The following POMT1 variants were observed in gnomAD, a reference collection of about 807,000 sequenced individuals.
The protein encoded by POMT1 is protein O-mannosyl-transferase 1.
In POMT1, 85 loss-of-function variants were observed where a neutral mutation model predicts 101.6. The ratio of observed to expected loss-of-function variants is 0.84; its 90% CI spans 0.70 to 1.00. The LOEUF is 1.00. Ranked by LOEUF, POMT1 falls within the 50% of genes least tolerant of loss-of-function variation. The pLI is 0.00. For synonymous variants in POMT1, 371 were observed against 383.0 expected, an observed-to-expected ratio of 0.97 and a Z score of 0.37; for missense variants, 857 against 930.4, an observed-to-expected ratio of 0.92 and a Z score of 1.03.
At chr9:131,510,486 C>T in intron 9 of POMT1, 71 bp downstream of exon 9, 2 of 1,519,528 alleles carry the variant, frequency 1.3e-6, no homozygotes, top group Non-Finnish European at 1.8e-6. Context: ...TTCTTACAAA[C>T]ACATCAAGTG....
Position 131,523,589 on chromosome 9 carries a change from A to G in POMT1, c.*483A>G. 4.6e-6 allele frequency: 1 copy of G among 219,138 alleles called. No homozygotes were observed. Among genetic ancestry groups the G allele is most frequent in the Non-Finnish European group, 9.2e-6 (1 of 108,154 alleles). 13.6% of individuals were successfully genotyped at this position (219,138 alleles called of 1,614,324 possible). On this transcript the variant is annotated 3_prime_UTR_variant, in exon 20 of 20. Transcript: ENST00000402686. Reference sequence around the variant, plus strand: ...CAGCTCAGTGTTGGAGGGCCACCTGAACCACGAGCCAGGGCTGGGGCTTGC... The same window carrying G: ...CAGCTCAGTGTTGGAGGGCCACCTGGACCACGAGCCAGGGCTGGGGCTTGC...
Position 131,523,083 on chromosome 9 carries a change from G to T in POMT1, c.2155G>T (p.Asp719Tyr), listed in dbSNP as rs200224827. The change falls in exon 20 of 20, where the codon GAC becomes TAC. Residue 719 changes from aspartate (D) to tyrosine (Y), a missense_variant. Coordinates refer to ENST00000402686, the MANE Select transcript of POMT1 (RefSeq NM_001077365.2). ...GGCCCTTCGCTGGAAAGACAGCTGG[G>T]ACATCTTGATCCGAAAACACTAGAA... ...LKALRWKDSW[D>Y]ILIRKH 5.6e-6 allele frequency: 9 copies of T among 1,611,380 alleles called. No individual in the cohort carries two copies. Among genetic ancestry groups the T allele is most frequent in the Admixed American group, 3.3e-5 (2 of 59,950 alleles).
At position 131,522,164 on chromosome 9, in the gene POMT1, T is replaced by G; in HGVS notation, c.1943T>G (p.Leu648Arg). The G allele has an allele frequency of 6.2e-7, 1 of 1,614,174 alleles. No individual in the cohort carries two copies. Residue 648 changes from leucine to arginine, a missense_variant, in exon 19 of 20, where the codon CTC becomes CGC. By Grantham distance (102) the Leu-to-Arg change is moderately radical. Coordinates refer to ENST00000402686, the MANE Select transcript of POMT1 (RefSeq NM_001077365.2). The surrounding 1 kb of genome is among the most constrained non-coding windows in gnomAD (Gnocchi z 5.5). ...TTCCTCTACCACTACCTGCCCGCACTCACCTTCCAAATCCTTCTGCTCCCT... is the reference window on the plus strand; with the variant it reads ...TTCCTCTACCACTACCTGCCCGCACGCACCTTCCAAATCCTTCTGCTCCCT... ...TLFLYHYLPA[L>R]TFQILLLPVV...
intron 12 of POMT1, among the ~76,000 whole-genome samples, chr9:131,513,754 C>T (rs1219538082): frequency 6.6e-6 from 1 of 152,226 alleles, no homozygotes; most frequent in African/African-American, 2.4e-5. Context: ...AGGCTTCTTC[C>T]TTCTCAGTCC....
chr9:131,515,581 G>T, intron 13 of POMT1, 59 bp downstream of exon 13: 1 of 1,512,214 alleles, frequency 6.6e-7, no homozygotes, highest in Non-Finnish European at 9.2e-7. Context: ...TCCCTCACAC[G>T]GAGCACTTCC....
At chr9:131,514,713 T>C in intron 12 of POMT1, among the ~76,000 whole-genome samples, 1 of 152,200 alleles carries the variant, frequency 6.6e-6, no homozygotes, top group East Asian at 1.9e-4. Flanking sequence ...CCCAGCACTT[T>C]GGGAGGCCAA....
In POMT1 at chr9:131,512,050, C is replaced by T. The variant is rs372594359; in HGVS notation, c.996C>T (p.Asn332=). Residue 332 remains asparagine (N), a synonymous_variant, in exon 11 of 20, where the codon AAC becomes AAT. Coordinates refer to ENST00000402686, the MANE Select transcript of POMT1 (RefSeq NM_001077365.2). ...HQDTYPMIYE[N]GRGSSHQQQV... ...TGTTGACTTCACACAGATATGAGAACGGCCGAGGCAGCTCCCACCAGCAAC... is the reference window on the plus strand; with the variant it reads ...TGTTGACTTCACACAGATATGAGAATGGCCGAGGCAGCTCCCACCAGCAAC... The T allele has an allele frequency of 3.3e-5, 54 of 1,614,046 alleles. No individual in the cohort carries two copies. The highest frequency in any genetic ancestry group is 1.9e-4 in the South Asian group (17 of 91,074).
At chr9:131,518,215 G>T in intron 13 of POMT1, 1 of 633,098 alleles carries the variant, frequency 1.6e-6, no homozygotes, top group Non-Finnish European at 3.0e-6. Flanking sequence ...CTCTTGTACG[G>T]CCTTGGCGAG....
In POMT1 at chr9:131,520,055, C is replaced by T. The variant is rs1949605474; in HGVS notation, c.1585-25C>T. The T allele has an allele frequency of 1.9e-6, 3 of 1,594,344 alleles. No individual in the cohort carries two copies. The East Asian group carries it at 6.7e-5, about 36-fold the overall frequency. On this transcript the variant is annotated intron_variant, in intron 16 of 19. Transcript: ENST00000402686. ...GCGGGAGGCATCCCCCATCCTCAATCTCAGAGGCCTCTGCTTTGTTCCAGT... is the reference window on the plus strand; with the variant it reads ...GCGGGAGGCATCCCCCATCCTCAATTTCAGAGGCCTCTGCTTTGTTCCAGT...
At chr9:131,520,571 G>A (rs1004302889) in intron 17 of POMT1, among the ~76,000 whole-genome samples, 19 of 152,310 alleles carry the variant, frequency 1.2e-4, no homozygotes, top group Admixed American at 9.8e-4. Context: ...TTGGTAGGCC[G>A]GGCGCACAGT....
At chr9:131,515,934 GCACTTCCTCACACGGAA>G (rs1948374731) in intron 13 of POMT1, among the ~76,000 whole-genome samples, 3 of 97,694 alleles carry the variant, frequency 3.1e-5, no homozygotes, top group East Asian at 3.8e-4. Context: ...CTCACAGGGA[GCACTTCCTCACACGGAA>G]CACTTCCTCT....
intron 17 of POMT1, 151 bp from the exon 18 acceptor site, chr9:131,521,195 A>C (rs1331947394): frequency 2.0e-6 from 2 of 1,022,676 alleles, no homozygotes; most frequent in East Asian, 2.5e-5. Flanking sequence ...TGTCCACAGT[A>C]GTAGTAAGGC....
At chr9:131,507,342 G>A in intron 4 of POMT1, 26 bp from the exon 5 acceptor site, 1 of 1,613,918 alleles carries the variant, frequency 6.2e-7, no homozygotes, top group East Asian at 2.2e-5. Flanking sequence ...AGTGTAGTCA[G>A]CTCTGCAGTG....
intron 17 of POMT1, 58 bp from the exon 18 acceptor site, chr9:131,521,288 T>C (rs1564387535): frequency 6.2e-7 from 1 of 1,612,346 alleles, no homozygotes; most frequent in South Asian, 1.1e-5. Context: ...TGTGTTCTCT[T>C]CTCTTCCCTC....
chr9:131,519,596 G>A lies in POMT1; in HGVS notation c.1584+110G>A. On this transcript the variant is annotated intron_variant, in intron 16 of 19. Transcript: ENST00000402686. This position sits in a 1 kb window ranked among gnomAD's most constrained non-coding sequence, Gnocchi z 4.3. The stretch of plus-strand genomic sequence containing the variant: ...ACCAGAGTCAGGCTTTGACGCTGGA[G>A]CTACAGGCTCACAACAGAATGAGTG... 9.5e-7 allele frequency: 1 copy of A among 1,050,574 alleles called. No homozygotes were observed. Among genetic ancestry groups the A allele is most frequent in the Non-Finnish European group, 1.4e-6 (1 of 705,468 alleles). The allele number at this position is 1,050,574 out of a possible 1,614,324, so 65.1% of individuals were successfully genotyped here.
intron 6 of POMT1, 34 bp from the exon 7 acceptor site, chr9:131,509,709 A>G (rs1274455897): frequency 2.5e-6 from 4 of 1,614,058 alleles, no homozygotes; most frequent in Non-Finnish European, 3.4e-6. Context: ...TGTCTGAACT[A>G]TTTCTGTCTC....
At chr9:131,509,428 G>A (rs191261333) in intron 6 of POMT1, among the ~76,000 whole-genome samples, 5 of 152,340 alleles carry the variant, frequency 3.3e-5, no homozygotes, top group Admixed American at 2.0e-4. Context: ...GGGGATTACA[G>A]GTGTGAGCCT....
rs995766904 is a variant in POMT1 at position 131,522,641 on chromosome 9, C to T, written c.2004-291C>T. On this transcript the variant is annotated intron_variant, in intron 19 of 19. Transcript: ENST00000402686. This position sits in a 1 kb window ranked among gnomAD's most constrained non-coding sequence, Gnocchi z 5.5. ...AGGTTGGAGCAGAGGGCGAGGGCCT[C>T]CCGGTTTCAGGAAGCCACACAAGGG... 1.8e-6 allele frequency: 1 copy of T among 558,070 alleles called. No individual in the cohort carries two copies. 34.6% of individuals were successfully genotyped at this position (558,070 alleles called of 1,614,324 possible). A position where few individuals can be genotyped will look rare whatever the true frequency, so the allele number is the denominator to read the frequency against.
rs1242089335 is a variant in POMT1 at position 131,508,910 on chromosome 9, G to C, written c.428-1G>C. ...TGACATGTGTTTCCTCTTTGAAACA[G>C]AGAATGCTCTCATCACTCAGTCAAG... On this transcript the variant is annotated splice_acceptor_variant, in intron 5 of 19. Coordinates refer to ENST00000402686, the MANE Select transcript of POMT1 (RefSeq NM_001077365.2). LOFTEE classifies it high-confidence loss of function. The C allele has an allele frequency of 6.2e-7, 1 of 1,603,452 alleles. No homozygotes were observed.
Sources: allele counts gnomAD v4.1 joint callset (sites outside exome capture counted in the v4.1 genomes callset), GRCh38; gene constraint gnomAD v4.1.1; non-coding constraint Gnocchi (gnomAD v3.1); transcripts MANE v1.5; gene names NCBI Gene and HGNC (gene_info 2026-07-23, HGNC 2026-07-21).